Variants in NFIB observed in about 807,000 individuals in gnomAD.
The protein encoded by NFIB is nuclear factor 1 B-type.
A neutral mutation model predicts 61.5 loss-of-function variants in NFIB; 11 were observed. The observed-to-expected ratio is 0.18, with a 90% CI of 0.11 to 0.30. NFIB has a LOEUF of 0.30. Among genes scored for constraint, NFIB ranks in the 10% least tolerant of loss-of-function variants. NFIB has a pLI of 1.00. For synonymous variants in NFIB, 260 were observed against 216.5 expected (o/e 1.20, Z -1.76); for missense variants, 471 against 608.9 (o/e 0.77, Z 2.38).
At chr9:14,243,109 A>T (rs562756846) in intron 2 of NFIB, among the ~76,000 whole-genome samples, 1 of 152,328 alleles carries the variant, frequency 6.6e-6, no homozygotes, top group South Asian at 2.1e-4. Flanking sequence ...TGATTTAACC[A>T]AGTTTGAGAA....
At chr9:14,365,582 T>C (rs1029038064) in intron 1 of NFIB, among the ~76,000 whole-genome samples, 1 of 152,230 alleles carries the variant, frequency 6.6e-6, no homozygotes, top group Non-Finnish European at 1.5e-5. Context: ...AGCTTCCATC[T>C]TTTCCATAAT....
the NFIB span, among the ~76,000 whole-genome samples, chr9:14,488,982 T>C: frequency 6.6e-6 from 1 of 152,166 alleles, no homozygotes; most frequent in African/African-American, 2.4e-5. Context: ...GAAAATGACA[T>C]AACAGCTGTC....
upstream of NFIB, among the ~76,000 whole-genome samples, chr9:14,317,794 T>G (rs756919908): frequency 1.3e-5 from 2 of 152,190 alleles, no homozygotes; most frequent in Non-Finnish European, 2.9e-5. Flanking sequence ...ATGCCTGGCT[T>G]CTCTTAACAC....
chr9:14,342,670 A>G (rs1302410761), intron 1 of NFIB, among the ~76,000 whole-genome samples: 6 of 152,204 alleles, frequency 3.9e-5, no homozygotes, highest in Non-Finnish European at 8.8e-5. Context: ...ATAGTCACCT[A>G]GCTAATAAGT....
rs1302304996 is a variant in NFIB at position 14,086,445 on chromosome 9, T to C, written c.*1864A>G. ...AATACAGCTAAAAGCACTACCTACA[T>C]AGGCAAAACTTGGTATTGCATAATT... On this transcript the variant is annotated 3_prime_UTR_variant, in exon 11 of 11. Coordinates refer to ENST00000380953, the MANE Select transcript of NFIB (RefSeq NM_001190737.2). The C allele has an allele frequency of 4.7e-6, 1 of 214,418 alleles. No homozygotes were observed. The highest frequency in any genetic ancestry group is 2.3e-5 in the African/African-American group (1 of 44,148). The allele number at this position is 214,418 out of a possible 1,614,324, so 13.3% of individuals were successfully genotyped here.
intron 3 of NFIB, among the ~76,000 whole-genome samples, chr9:14,162,566 T>C (rs1433102194): frequency 6.6e-6 from 1 of 152,126 alleles, no homozygotes; most frequent in Non-Finnish European, 1.5e-5. Context: ...CAAGTTTTTA[T>C]ACCAGGAGTA....
At chr9:14,447,677 A>G in the NFIB span, among the ~76,000 whole-genome samples, 5 of 152,220 alleles carry the variant, frequency 3.3e-5, 1 homozygote, top group South Asian at 1.0e-3. Context: ...TAGCTGCATT[A>G]TTTCTAGTTC....
the NFIB span, among the ~76,000 whole-genome samples, chr9:14,461,705 T>G: frequency 6.6e-6 from 1 of 152,178 alleles, no homozygotes; most frequent in Admixed American, 6.5e-5. Context: ...GTAGTTTAAT[T>G]CCATCTATTC....
chr9:14,418,740 T>A, the NFIB span, among the ~76,000 whole-genome samples: 2 of 152,228 alleles, frequency 1.3e-5, no homozygotes, highest in African/African-American at 4.8e-5. Context: ...AATTCCCATA[T>A]TACATTCAAT....
chr9:14,319,369 A>G (rs2060613342), intron 1 of NFIB, among the ~76,000 whole-genome samples: 2 of 152,186 alleles, frequency 1.3e-5, no homozygotes, highest in African/African-American at 4.8e-5. Context: ...ACTGTAAGAC[A>G]CTTGCTTCAC....
intron 2 of NFIB, among the ~76,000 whole-genome samples, chr9:14,182,933 C>T (rs1033719781): frequency 6.6e-6 from 1 of 151,910 alleles, no homozygotes; most frequent in Non-Finnish European, 1.5e-5. Flanking sequence ...AGCATTGGGT[C>T]AGACACAGTC....
In NFIB at chr9:14,215,956, G is replaced by A. The variant is rs564558732; in HGVS notation, c.563-36176C>T. On this transcript the variant is annotated intron_variant, in intron 2 of 10. Coordinates refer to ENST00000380953, the MANE Select transcript of NFIB (RefSeq NM_001190737.2). The stretch of plus-strand genomic sequence containing the variant: ...CTGAATTGCTTTATGTAAATTCTCA[G>A]CACGATACCTTGTTCATGGGGGGTG... Among the ~76,000 whole-genome samples the A allele has an allele frequency of 9.2e-5, 14 of 152,212 alleles. 1 individual carries two copies. In the South Asian group the frequency reaches 2.1e-3, roughly 23 times the overall value.
At chr9:14,199,235 T>C (rs1433640622) in intron 2 of NFIB, among the ~76,000 whole-genome samples, 1 of 152,194 alleles carries the variant, frequency 6.6e-6, no homozygotes, top group African/African-American at 2.4e-5. Context: ...AATTGTGTTC[T>C]GGCAGCTCCC....
intron 6 of NFIB, among the ~76,000 whole-genome samples, chr9:14,136,456 C>T (rs1020095460): frequency 2.6e-5 from 4 of 152,104 alleles, no homozygotes; most frequent in African/African-American, 9.7e-5. Flanking sequence ...AAATCAATAC[C>T]ATAACCTTAA....
chr9:14,346,215 C>T (rs563035715), intron 1 of NFIB, among the ~76,000 whole-genome samples: 21 of 145,852 alleles, frequency 1.4e-4, no homozygotes, highest in African/African-American at 5.0e-4. Flanking sequence ...GATGTTCATG[C>T]GGAGGGGAGA....
At chr9:14,255,909 A>T (rs2056176472) in intron 2 of NFIB, among the ~76,000 whole-genome samples, 1 of 152,214 alleles carries the variant, frequency 6.6e-6, no homozygotes, top group Admixed American at 6.5e-5. Flanking sequence ...GTATTACTGA[A>T]GCGCAAAACA....
At chr9:14,101,031 C>T (rs1169915900) in intron 10 of NFIB, among the ~76,000 whole-genome samples, 1 of 152,024 alleles carries the variant, frequency 6.6e-6, no homozygotes, top group Admixed American at 6.5e-5. Context: ...TATTAAATAA[C>T]ATATGGAAAT....
Position 14,082,795 on chromosome 9 carries a change from G to T in NFIB, c.*5514C>A, listed in dbSNP as rs1304210768. The stretch of plus-strand genomic sequence containing the variant: ...TAAAAAAAAAAAAAAGAAAAAAAAA[G>T]ACTTCCTTCTGCATAAAGAGATATA... On this transcript the variant is annotated 3_prime_UTR_variant, in exon 11 of 11. Coordinates refer to ENST00000380953, the MANE Select transcript of NFIB (RefSeq NM_001190737.2). The T allele has an allele frequency of 1.6e-5, 3 of 184,998 alleles. No individual in the cohort carries two copies. The highest frequency in any genetic ancestry group is 8.2e-5 in the East Asian group (1 of 12,224). The allele number at this position is 184,998 out of a possible 1,614,324, so 11.5% of individuals were successfully genotyped here. A position where few individuals can be genotyped will look rare whatever the true frequency, so the allele number is the denominator to read the frequency against.
At chr9:14,357,488 C>G (rs1246438137) in intron 1 of NFIB, 1 of 152,186 alleles carries the variant, frequency 6.6e-6, no homozygotes, top group Non-Finnish European at 1.5e-5. Context: ...TGATAGACAG[C>G]ACCCTCCTCC....
Sources: gnomAD v4.1 joint callset for allele counts (sites outside exome capture counted in the v4.1 genomes callset) on GRCh38, gnomAD v4.1.1 for gene constraint, MANE v1.5 for transcripts, NCBI Gene and HGNC (gene_info 2026-07-23, HGNC 2026-07-21) for gene names.